KCTD8: variants seen among roughly 807,000 people sequenced by gnomAD.
KCTD8 encodes BTB/POZ domain-containing protein KCTD8.
In KCTD8, 27 loss-of-function variants were observed where a neutral mutation model predicts 31.5. That is an observed-to-expected ratio of 0.86 (90% confidence interval 0.63 to 1.18). The LOEUF is 1.18. Among genes scored for constraint, KCTD8 ranks in the 50% most tolerant of loss-of-function variants. The pLI is 0.00. For missense variants in KCTD8, 658 were observed against 647.7 expected, an observed-to-expected ratio of 1.02 and a Z score of -0.17; for synonymous variants, 290 against 280.0, an observed-to-expected ratio of 1.04 and a Z score of -0.36.
Position 44,210,544 on chromosome 4 carries a change from C to T in KCTD8, c.962-35294G>A, listed in dbSNP as rs114769791. 3.2e-3 allele frequency among the ~76,000 whole-genome samples: 484 copies of T among 152,278 alleles called. 4 individuals carry two copies. The highest frequency in any genetic ancestry group is 0.011 in the African/African-American group (469 of 41,562). On this transcript the variant is annotated intron_variant, in intron 1 of 1. Transcript: ENST00000360029. The stretch of plus-strand genomic sequence containing the variant: ...GTCTGCCTCAAAATACACCTATCCA[C>T]CATGCAGTCATATAATCACATAGGA...
chr4:44,383,192 T>A (rs975153915), intron 1 of KCTD8, among the ~76,000 whole-genome samples: 3 of 151,778 alleles, frequency 2.0e-5, no homozygotes, highest in Admixed American at 2.0e-4. Flanking sequence ...ATGAAAGACA[T>A]CCCATGATCA....
chr4:44,388,212 G>T (rs1167955340), intron 1 of KCTD8, among the ~76,000 whole-genome samples: 3 of 152,024 alleles, frequency 2.0e-5, no homozygotes, highest in African/African-American at 7.2e-5. Flanking sequence ...AATAATAGAT[G>T]CTAGTGAGAC....
At chr4:44,312,415 G>C (rs1316086436) in intron 1 of KCTD8, among the ~76,000 whole-genome samples, 1 of 152,064 alleles carries the variant, frequency 6.6e-6, no homozygotes, top group Non-Finnish European at 1.5e-5. Flanking sequence ...ATGAAGACAC[G>C]ATTAATACTG....
intron 1 of KCTD8, among the ~76,000 whole-genome samples, chr4:44,349,113 A>G (rs2109423605): frequency 6.6e-6 from 1 of 151,310 alleles, no homozygotes. Context: ...CAATGCTATC[A>G]TCATCATTTA....
chr4:44,375,751 G>A (rs1274172322), intron 1 of KCTD8, among the ~76,000 whole-genome samples: 5 of 152,136 alleles, frequency 3.3e-5, no homozygotes, highest in Non-Finnish European at 5.9e-5. Context: ...AGAACAGACG[G>A]TGAGCCTCAC....
At chr4:44,213,330 C>T (rs1179736633) in intron 1 of KCTD8, among the ~76,000 whole-genome samples, 1 of 151,806 alleles carries the variant, frequency 6.6e-6, no homozygotes, top group East Asian at 1.9e-4. Flanking sequence ...TGTTTTTATT[C>T]TTTTAGTCGG....
rs1191861368 is a variant in KCTD8, at chr4:44,391,471, G to A, written c.961+56092C>T. On this transcript the variant is annotated intron_variant, in intron 1 of 1. Coordinates refer to ENST00000360029, the MANE Select transcript of KCTD8 (RefSeq NM_198353.3). ...GCAGCCTACTCAATGTGAAAACGAT[G>A]AGGGTGAAGATCTTTATGATAATCT... Among the ~76,000 whole-genome samples, 4 of 151,956 alleles carry A rather than the reference G, an allele frequency of 2.6e-5. No homozygotes were observed. In the East Asian group the frequency reaches 7.8e-4, roughly 30 times the overall value.
At chr4:44,292,671 A>AT (rs557087231) in intron 1 of KCTD8, among the ~76,000 whole-genome samples, 2 of 151,918 alleles carry the variant, frequency 1.3e-5, no homozygotes, top group East Asian at 1.9e-4. Flanking sequence ...TGGTGGTGCA[A>AT]TTTTTTTTCT....
rs533238086 is a variant in KCTD8, at chr4:44,418,509, A to C, written c.961+29054T>G. Among the ~76,000 whole-genome samples, 6 of 152,326 alleles carry C rather than the reference A, an allele frequency of 3.9e-5. No individual in the cohort carries two copies. In the East Asian group the frequency reaches 1.2e-3, roughly 29 times the overall value. On this transcript the variant is annotated intron_variant, in intron 1 of 1. Coordinates refer to ENST00000360029, the MANE Select transcript of KCTD8 (RefSeq NM_198353.3). ...TGCCTATACTTAAGCAAGGGATCAG[A>C]TCAACATTAGAAAAAGCTAGGAAAC...
intron 1 of KCTD8, among the ~76,000 whole-genome samples, chr4:44,428,192 AT>A (rs1721392800): frequency 6.6e-6 from 1 of 151,764 alleles, no homozygotes; most frequent in South Asian, 2.1e-4. Flanking sequence ...CATTTTTTAA[AT>A]GTTACATTTA....
At chr4:44,196,510 C>T (rs751459824) in intron 1 of KCTD8, among the ~76,000 whole-genome samples, 7 of 152,086 alleles carry the variant, frequency 4.6e-5, no homozygotes, top group East Asian at 1.9e-4. Context: ...TGTGTGCACC[C>T]GCTCTCATGA....
chr4:44,285,362 T>C (rs1717032489), intron 1 of KCTD8, among the ~76,000 whole-genome samples: 1 of 151,932 alleles, frequency 6.6e-6, no homozygotes, highest in African/African-American at 2.4e-5. Context: ...CTCAGCAAAC[T>C]ATCACAAGTT....
chr4:44,447,043 G>T (rs1383443164), intron 1 of KCTD8, among the ~76,000 whole-genome samples: 1 of 152,204 alleles, frequency 6.6e-6, no homozygotes, highest in African/African-American at 2.4e-5. Flanking sequence ...AAAACCACCC[G>T]TAACTGGAGG....
chr4:44,432,804 T>C (rs1721537334), intron 1 of KCTD8, among the ~76,000 whole-genome samples: 1 of 151,736 alleles, frequency 6.6e-6, no homozygotes. Flanking sequence ...CTAAAATCAC[T>C]AATAAACTCC....
In KCTD8 at chr4:44,382,282, C is replaced by T. The variant is rs529845377; in HGVS notation, c.961+65281G>A. Reference sequence around the variant, plus strand: ...ATCATCTCAATAGATAGAGAAAACACATTTGAAAAAAATTAACACCCTTCA... The same window carrying T: ...ATCATCTCAATAGATAGAGAAAACATATTTGAAAAAAATTAACACCCTTCA... On this transcript the variant is annotated intron_variant, in intron 1 of 1. Coordinates refer to ENST00000360029, the MANE Select transcript of KCTD8 (RefSeq NM_198353.3). Among the ~76,000 whole-genome samples the T allele has an allele frequency of 8.9e-4, 136 of 152,072 alleles. 1 individual carries two copies. The highest frequency in any genetic ancestry group is 3.2e-3 in the African/African-American group (132 of 41,512).
intron 1 of KCTD8, among the ~76,000 whole-genome samples, chr4:44,214,419 G>A (rs939082554): frequency 2.0e-5 from 3 of 151,966 alleles, no homozygotes; most frequent in Non-Finnish European, 2.9e-5. Flanking sequence ...CCATATCAAA[G>A]GTCTTCTCAG....
At chr4:44,422,827 T>C (rs182849746) in intron 1 of KCTD8, among the ~76,000 whole-genome samples, 4 of 152,188 alleles carry the variant, frequency 2.6e-5, no homozygotes, top group Admixed American at 2.0e-4. Context: ...AGGCCTAGGA[T>C]AGTATTTGAC....
At chr4:44,175,298 A>G (rs1428221970) in intron 1 of KCTD8, 48 bp from the exon 2 acceptor site, 5 of 1,150,408 alleles carry the variant, frequency 4.3e-6, no homozygotes, top group Non-Finnish European at 6.1e-6. Context: ...GTTGAATAAG[A>G]AGTGTGAAGG....
intron 1 of KCTD8, among the ~76,000 whole-genome samples, chr4:44,373,535 A>G (rs909391976): frequency 6.6e-6 from 1 of 152,130 alleles, no homozygotes; most frequent in African/African-American, 2.4e-5. Flanking sequence ...ACACAGTGTC[A>G]TTATGCAGAT....
Sources: gnomAD v4.1 joint callset for allele counts (sites outside exome capture counted in the v4.1 genomes callset) on GRCh38, gnomAD v4.1.1 for gene constraint, MANE v1.5 for transcripts, NCBI Gene and HGNC (gene_info 2026-07-23, HGNC 2026-07-21) for gene names.